The following HIBCH variants were observed in gnomAD, a reference collection of about 807,000 sequenced individuals.
The protein encoded by HIBCH is 3-hydroxyisobutyryl-CoA hydrolase.
In HIBCH, 50 loss-of-function variants were observed where a neutral mutation model predicts 58.2. That is an observed-to-expected ratio of 0.86 (90% confidence interval 0.68 to 1.09). The LOEUF (loss-of-function observed/expected upper bound fraction) is 1.09, where lower values mean the gene tolerates loss of function less well. Among genes scored for constraint, HIBCH ranks in the 50% least tolerant of loss-of-function variants. The probability of loss-of-function intolerance (pLI) is 0.00; values close to 1 mark genes in which losing one functional copy is unlikely to be tolerated. For missense variants in HIBCH, 450 were observed against 449.7 expected, an observed-to-expected ratio of 1.00 and a Z score of -0.01; for synonymous variants, 151 against 146.9, an observed-to-expected ratio of 1.03 and a Z score of -0.20.
At chr2:190,261,280 T>C (rs1275055127) in intron 6 of HIBCH, 46 bp from the exon 7 acceptor site, 1 of 1,385,252 alleles carries the variant, frequency 7.2e-7, no homozygotes. Flanking sequence ...ATTAAACATA[T>C]TGTTAAAAAA....
At chr2:190,200,241 T>A, downstream of HIBCH, 8 of 1,004,712 alleles carry the variant, frequency 8.0e-6, no homozygotes, top group Non-Finnish European at 1.2e-5. Flanking sequence ...CAAATAACTA[T>A]CTGGATTTAA....
chr2:190,301,651 C>T (rs1293499359), intron 2 of HIBCH, among the ~76,000 whole-genome samples: 1 of 152,154 alleles, frequency 6.6e-6, no homozygotes, highest in Non-Finnish European at 1.5e-5. Context: ...ATTCCTGCTG[C>T]TACAGCAAAA....
intron 1 of HIBCH, among the ~76,000 whole-genome samples, chr2:190,317,101 T>C (rs925930051): frequency 3.9e-5 from 6 of 152,156 alleles, no homozygotes; most frequent in African/African-American, 1.4e-4. Flanking sequence ...TCTTATTTTT[T>C]GTAGAAACGG....
intron 11 of HIBCH, among the ~76,000 whole-genome samples, chr2:190,219,094 T>C (rs1312426024): frequency 6.6e-6 from 1 of 152,234 alleles, no homozygotes; most frequent in Non-Finnish European, 1.5e-5. Context: ...CTTAGTTCAC[T>C]TGGCCATTCC....
chr2:190,302,192 C>T (rs777856690), intron 2 of HIBCH, among the ~76,000 whole-genome samples: 1 of 152,330 alleles, frequency 6.6e-6, no homozygotes, highest in Non-Finnish European at 1.5e-5. Context: ...CTGGGAAACA[C>T]AGCCTCTGGC....
intron 6 of HIBCH, among the ~76,000 whole-genome samples, chr2:190,262,082 T>C (rs1308143517): frequency 6.8e-6 from 1 of 147,660 alleles, no homozygotes; most frequent in Non-Finnish European, 1.5e-5. Context: ...TGACAGGCAG[T>C]GAAGCTTAAA....
intron 6 of HIBCH, among the ~76,000 whole-genome samples, chr2:190,271,282 C>CTTT (rs35074167): frequency 1.8e-3 from 151 of 83,770 alleles, no homozygotes; most frequent in African/African-American, 2.0e-3. Context: ...CTCTACCCTA[C>CTTT]TTTTTTTTTT....
intron 1 of HIBCH, among the ~76,000 whole-genome samples, chr2:190,314,898 A>G (rs1034658140): frequency 2.6e-5 from 4 of 151,668 alleles, no homozygotes; most frequent in Non-Finnish European, 5.9e-5. Flanking sequence ...TTTCTTTTCT[A>G]TTGGTTCCAA....
intron 9 of HIBCH, among the ~76,000 whole-genome samples, chr2:190,246,534 T>C (rs527977086): frequency 1.6e-4 from 24 of 152,334 alleles, no homozygotes; most frequent in African/African-American, 5.5e-4. Context: ...AAGGTCAACC[T>C]GCCCAAATTT....
chr2:190,298,632 A>C (rs1688176201), intron 2 of HIBCH, among the ~76,000 whole-genome samples: 1 of 151,154 alleles, frequency 6.6e-6, no homozygotes, highest in African/African-American at 2.4e-5. Flanking sequence ...GAGATTCTAG[A>C]TATTAGACCT....
intron 3 of HIBCH, among the ~76,000 whole-genome samples, chr2:190,296,354 A>G (rs1417034831): frequency 2.7e-5 from 4 of 150,290 alleles, no homozygotes; most frequent in Non-Finnish European, 5.9e-5. Flanking sequence ...CGGGAGGTGG[A>G]GCTTGCAGTG....
In HIBCH at chr2:190,245,144, C is replaced by A. The variant is rs2303827; in HGVS notation, c.810-176G>T. 0.31 allele frequency among the ~76,000 whole-genome samples: 47,621 copies of A among 151,902 alleles called. 8,600 individuals carry two copies. Among genetic ancestry groups the A allele is most frequent in the African/African-American group, 0.48 (19,778 of 41,412 alleles). The stretch of plus-strand genomic sequence containing the variant: ...ATTGCTTCCCTGGGTAAGCATTTGC[C>A]GTCTACCTTCACTAACATAAAATAA... On this transcript the variant is annotated intron_variant, in intron 10 of 13. Coordinates refer to ENST00000359678, the MANE Select transcript of HIBCH (RefSeq NM_014362.4).
At chr2:190,250,779 T>C (rs1207486906) in intron 8 of HIBCH, among the ~76,000 whole-genome samples, 1 of 152,126 alleles carries the variant, frequency 6.6e-6, no homozygotes, top group African/African-American at 2.4e-5. Flanking sequence ...TTCATACATT[T>C]TACAGAATCT....
chr2:190,301,843 C>A (rs1210772663), intron 2 of HIBCH, among the ~76,000 whole-genome samples: 1 of 152,168 alleles, frequency 6.6e-6, no homozygotes, highest in East Asian at 1.9e-4. Flanking sequence ...GCAAAGACGC[C>A]TAGTTGACTC....
chr2:190,222,624 G>C (rs1430765145), intron 11 of HIBCH, among the ~76,000 whole-genome samples: 1 of 152,124 alleles, frequency 6.6e-6, no homozygotes, highest in Non-Finnish European at 1.5e-5. Context: ...GGAAAAAACA[G>C]ATCCTGGAGA....
intron 6 of HIBCH, among the ~76,000 whole-genome samples, chr2:190,266,635 T>C (rs778378181): frequency 2.6e-5 from 4 of 152,092 alleles, no homozygotes; most frequent in Admixed American, 6.5e-5. Flanking sequence ...GATTTCACCA[T>C]GTTGGCCAGG....
At chr2:190,260,440 C>G (rs193299457) in intron 7 of HIBCH, 1 of 152,254 alleles carries the variant, frequency 6.6e-6, no homozygotes, top group East Asian at 1.9e-4. Flanking sequence ...TCTGAAAAGA[C>G]TCGATAGTGT....
chr2:190,275,643 A>C (rs1687529550), intron 6 of HIBCH, among the ~76,000 whole-genome samples: 1 of 152,230 alleles, frequency 6.6e-6, no homozygotes, highest in South Asian at 2.1e-4. Context: ...TGAGTTGTGA[A>C]AAGTTTGTGA....
chr2:190,274,379 G>A (rs1687491222), intron 6 of HIBCH, among the ~76,000 whole-genome samples: 1 of 151,920 alleles, frequency 6.6e-6, no homozygotes, highest in Admixed American at 6.5e-5. Context: ...ATCTGATTCA[G>A]TAGTTCCCAT....
Sources: allele counts gnomAD v4.1 joint callset (sites outside exome capture counted in the v4.1 genomes callset), GRCh38; gene constraint gnomAD v4.1.1; transcripts MANE v1.5; gene names NCBI Gene and HGNC (gene_info 2026-07-23, HGNC 2026-07-21).